ECPAS: variants seen among roughly 807,000 people sequenced by gnomAD.
ECPAS encodes proteasome adapter and scaffold protein ECM29.
A neutral mutation model predicts 255.1 loss-of-function variants in ECPAS; 70 were observed. The observed-to-expected ratio is 0.27, with a 90% CI of 0.23 to 0.33. The LOEUF (loss-of-function observed/expected upper bound fraction) is 0.33. ECPAS is among the 10% of genes least tolerant of loss of function. The pLI, the probability that ECPAS is intolerant of heterozygous loss-of-function variation, is 1.00. For missense variants in ECPAS, 1,817 were observed against 2,206.4 expected (o/e 0.82, Z 3.54); for synonymous variants, 784 against 775.0 (o/e 1.01, Z -0.19).
intron 3 of ECPAS, 48 bp downstream of exon 3, chr9:111,451,377 A>G (rs1210144979): frequency 4.0e-6 from 6 of 1,517,734 alleles, no homozygotes; most frequent in Non-Finnish European, 5.3e-6. Context: ...GATAATGTAT[A>G]TTCATTTATT....
At chr9:111,450,684 T>A (rs960293193) in intron 3 of ECPAS, among the ~76,000 whole-genome samples, 15 of 152,190 alleles carry the variant, frequency 9.9e-5, no homozygotes, top group African/African-American at 3.4e-4. Flanking sequence ...TCCCAGCACT[T>A]TGGGAGGCCG....
chr9:111,363,372 T>C (rs983222121), intron 49 of ECPAS, among the ~76,000 whole-genome samples: 10 of 152,160 alleles, frequency 6.6e-5, no homozygotes, highest in African/African-American at 2.4e-4. Context: ...AACTATAGCT[T>C]AATAATATAT....
chr9:111,376,381 A>AG, intron 37 of ECPAS, 95 bp downstream of exon 37: 1 of 988,972 alleles, frequency 1.0e-6, no homozygotes, highest in Non-Finnish European at 1.6e-6. Context: ...CTCATCCCAT[A>AG]AGTCTCTGCT....
Position 111,360,826 on chromosome 9 carries a change from A to G in ECPAS, c.*1204T>C, listed in dbSNP as rs1414325056. The stretch of plus-strand genomic sequence containing the variant: ...AATAAACATGGAGATTCCTGGTGTT[A>G]ACGTCAATAAGGATGAGTACTGAAT... On this transcript the variant is annotated 3_prime_UTR_variant, in exon 50 of 50. Coordinates refer to ENST00000684092, the MANE Select transcript of ECPAS (RefSeq NM_001364929.1). 6.6e-6 allele frequency: 1 copy of G among 152,218 alleles called. No homozygotes were observed. Among genetic ancestry groups the G allele is most frequent in the Non-Finnish European group, 1.5e-5 (1 of 68,038 alleles). The allele number at this position is 152,218 out of a possible 1,614,324, so 9.4% of individuals were successfully genotyped here.
At chr9:111,479,680 C>T (rs2098301383) in intron 1 of ECPAS, among the ~76,000 whole-genome samples, 1 of 151,904 alleles carries the variant, frequency 6.6e-6, no homozygotes, top group South Asian at 2.1e-4. Context: ...TAAAGTAAAA[C>T]TAAAAAAGTT....
At chr9:111,425,583 C>A in intron 11 of ECPAS, 87 bp from the exon 12 acceptor site, 1 of 1,090,290 alleles carries the variant, frequency 9.2e-7, no homozygotes, top group Non-Finnish European at 1.3e-6. Context: ...TAATGAGAGA[C>A]ATAACCGAAA....
In ECPAS at chr9:111,393,684, AT is replaced by A; in HGVS notation, c.2972del (p.Asn991MetfsTer19). Reference sequence around the variant, plus strand: ...AATCAAATATTAACAACCTACCATCATTTTCTGATAGAACTGAAACAAATGC... The same window carrying A: ...AATCAAATATTAACAACCTACCATCATTTCTGATAGAACTGAAACAAATGC... ...QSAFVSVLSE[N>X]DELSQDVASK... On this transcript the variant is annotated frameshift_variant, in exon 27 of 50. Coordinates refer to ENST00000684092, the MANE Select transcript of ECPAS (RefSeq NM_001364929.1). LOFTEE classifies it high-confidence loss of function. 1 of 1,564,512 alleles carries A rather than the reference AT, an allele frequency of 6.4e-7. No homozygotes were observed. The highest frequency in any genetic ancestry group is 8.8e-7 in the Non-Finnish European group (1 of 1,137,864).
chr9:111,460,170 G>T (rs1345212264), intron 2 of ECPAS, among the ~76,000 whole-genome samples: 1 of 152,090 alleles, frequency 6.6e-6, no homozygotes, highest in Non-Finnish European at 1.5e-5. Context: ...GTTTAATATT[G>T]AAAATCAGTG....
chr9:111,404,875 T>A lies in ECPAS; in HGVS notation c.2652+3696A>T, dbSNP rs2098181719. On this transcript the variant is annotated intron_variant, in intron 24 of 49. Transcript: ENST00000684092. Reference sequence around the variant, plus strand: ...TAACCAAAGAAGCAAAAGATCTCTGTACTGAAAACTATAAAACATTGATGA... The same window carrying A: ...TAACCAAAGAAGCAAAAGATCTCTGAACTGAAAACTATAAAACATTGATGA... Among the ~76,000 whole-genome samples, 3 of 142,296 alleles carry A rather than the reference T, an allele frequency of 2.1e-5. No homozygotes were observed. In the South Asian group the frequency reaches 6.5e-4, roughly 31 times the overall value. 93.4% of individuals were successfully genotyped at this position (142,296 alleles called of 152,430 possible).
chr9:111,448,081 CCTAAATA>C (rs1471698702), intron 3 of ECPAS, among the ~76,000 whole-genome samples: 3 of 152,016 alleles, frequency 2.0e-5, no homozygotes, highest in African/African-American at 7.2e-5. Context: ...TGATGAGTAT[CCTAAATA>C]CTAAATTATT....
intron 1 of ECPAS, among the ~76,000 whole-genome samples, chr9:111,479,480 C>A (rs2098300826): frequency 1.3e-5 from 2 of 151,890 alleles, no homozygotes; most frequent in African/African-American, 2.4e-5. Flanking sequence ...GTAATCCCAG[C>A]TACTCGGGAG....
chr9:111,377,385 G>A (rs1449310363), intron 36 of ECPAS, among the ~76,000 whole-genome samples: 4 of 152,044 alleles, frequency 2.6e-5, no homozygotes, highest in African/African-American at 9.7e-5. Flanking sequence ...ATACAATATT[G>A]AAAAGGCAAT....
rs150659963 is a variant in ECPAS at position 111,400,422 on chromosome 9, A to C, written c.2653-3269T>G. On this transcript the variant is annotated intron_variant, in intron 24 of 49. Transcript: ENST00000684092. Reference sequence around the variant, plus strand: ...CATGTTCGAAAAAACATTCACCCTAAACAAACAGACTAAGCAGGCACCAGT... The same window carrying C: ...CATGTTCGAAAAAACATTCACCCTACACAAACAGACTAAGCAGGCACCAGT... Among the ~76,000 whole-genome samples the C allele has an allele frequency of 9.0e-3, 1,365 of 152,314 alleles. 58 individuals carry two copies. The highest frequency in any genetic ancestry group is 0.077 in the Admixed American group (1,179 of 15,302).
At position 111,393,663 on chromosome 9, in the gene ECPAS, AAAT is replaced by A; in HGVS notation, c.2977+14_2977+16del. 6.8e-7 allele frequency: 1 copy of A among 1,475,594 alleles called. No homozygotes were observed. Among genetic ancestry groups the A allele is most frequent in the Non-Finnish European group, 9.4e-7 (1 of 1,061,726 alleles). 91.4% of individuals were successfully genotyped at this position (1,475,594 alleles called of 1,614,324 possible). ...ACAAGTTCAATTAAGTTTAGAAATC[AAAT>A]ATTAACAACCTACCATCATTTTCTG... On this transcript the variant is annotated intron_variant, in intron 27 of 49. Coordinates refer to ENST00000684092, the MANE Select transcript of ECPAS (RefSeq NM_001364929.1).
At position 111,477,032 on chromosome 9, in the gene ECPAS, C is replaced by T. The variant is rs180980518; in HGVS notation, c.-82-4032G>A. Among the ~76,000 whole-genome samples, 53 of 151,634 alleles carry T rather than the reference C, an allele frequency of 3.5e-4. No homozygotes were observed. In the East Asian group the frequency reaches 7.2e-3, roughly 21 times the overall value. ...GGTCAGGCTGGTCTCGAACTCCCAACGTCAGGTGATCCACCTGCCTCAGCC... is the reference window on the plus strand; with the variant it reads ...GGTCAGGCTGGTCTCGAACTCCCAATGTCAGGTGATCCACCTGCCTCAGCC... On this transcript the variant is annotated intron_variant, in intron 1 of 49. Coordinates refer to ENST00000684092, the MANE Select transcript of ECPAS (RefSeq NM_001364929.1).
chr9:111,472,125 G>A (rs2132083020), intron 2 of ECPAS, among the ~76,000 whole-genome samples: 1 of 151,806 alleles, frequency 6.6e-6, no homozygotes, highest in Admixed American at 6.6e-5. Context: ...AAAACAAAAT[G>A]TAGTCCCAGC....
At chr9:111,421,558 A>G (rs1047795607) in intron 15 of ECPAS, among the ~76,000 whole-genome samples, 4 of 152,064 alleles carry the variant, frequency 2.6e-5, no homozygotes, top group Non-Finnish European at 5.9e-5. Flanking sequence ...TCACTTTGAC[A>G]TATGGAATTT....
intron 46 of ECPAS, among the ~76,000 whole-genome samples, chr9:111,367,417 C>G (rs2098121714): frequency 6.6e-6 from 1 of 152,158 alleles, no homozygotes; most frequent in South Asian, 2.1e-4. Context: ...TCAATAAATG[C>G]ACATTTCTAT....
chr9:111,442,863 T>TG (rs1197046598), intron 4 of ECPAS, among the ~76,000 whole-genome samples: 2 of 152,212 alleles, frequency 1.3e-5, no homozygotes, highest in African/African-American at 4.8e-5. Context: ...CTTAGTATAC[T>TG]GCAGCACTCT....
Sources: gnomAD v4.1 joint callset for allele counts (sites outside exome capture counted in the v4.1 genomes callset) on GRCh38, gnomAD v4.1.1 for gene constraint, MANE v1.5 for transcripts, NCBI Gene and HGNC (gene_info 2026-07-23, HGNC 2026-07-21) for gene names.